The following ATP8A1 variants were observed in gnomAD, a reference collection of about 807,000 sequenced individuals.
ATP8A1 encodes ATPase phospholipid transporting 8A1, also known as phospholipid-transporting ATPase IA.
In ATP8A1, 90 loss-of-function variants were observed where a neutral mutation model predicts 177.7. The observed-to-expected ratio is 0.51, with a 90% CI of 0.43 to 0.60. The LOEUF (loss-of-function observed/expected upper bound fraction) is 0.60, where lower values mean the gene tolerates loss of function less well. Among genes scored for constraint, ATP8A1 ranks in the 20% least tolerant of loss-of-function variants. The pLI is 0.00. For synonymous variants in ATP8A1, 493 were observed against 485.9 expected, an observed-to-expected ratio of 1.01 and a Z score of -0.19; for missense variants, 1,072 against 1,392.8, an observed-to-expected ratio of 0.77 and a Z score of 3.67.
intron 8 of ATP8A1, among the ~76,000 whole-genome samples, chr4:42,587,856 C>A (rs1357044720): frequency 6.6e-6 from 1 of 152,174 alleles, no homozygotes; most frequent in East Asian, 1.9e-4. Flanking sequence ...GATTCACCTG[C>A]CTCAGCCTCT....
intron 30 of ATP8A1, among the ~76,000 whole-genome samples, chr4:42,446,997 T>C (rs1717343597): frequency 6.6e-6 from 1 of 152,120 alleles, no homozygotes; most frequent in Non-Finnish European, 1.5e-5. Context: ...TCATAGGGAA[T>C]CTTCTCACTA....
At chr4:42,429,924 A>G (rs1715078284) in intron 33 of ATP8A1, among the ~76,000 whole-genome samples, 1 of 152,244 alleles carries the variant, frequency 6.6e-6, no homozygotes, top group Non-Finnish European at 1.5e-5. Flanking sequence ...GGAATAGTCA[A>G]ATTCAGAAAC....
intron 33 of ATP8A1, among the ~76,000 whole-genome samples, chr4:42,437,605 C>A (rs2153172833): frequency 6.6e-6 from 1 of 152,284 alleles, no homozygotes; most frequent in South Asian, 2.1e-4. Context: ...GCCCCTAACC[C>A]CCGATATCGT....
At chr4:42,473,636 T>C (rs1419617635) in intron 25 of ATP8A1, among the ~76,000 whole-genome samples, 4 of 150,478 alleles carry the variant, frequency 2.7e-5, no homozygotes, top group African/African-American at 9.7e-5. Context: ...TTTTTATTTA[T>C]TTAATTAAAT....
Position 42,430,538 on chromosome 4 carries a change from G to C in ATP8A1, c.3124-6833C>G, listed in dbSNP as rs886115380. ...AGTACACGTGCAGGTTTGTTACATA[G>C]GTAAACTTGTGTCATGGGGGTTTGA... On this transcript the variant is annotated intron_variant, in intron 33 of 36. Transcript: ENST00000381668. Among the ~76,000 whole-genome samples, 3 of 151,294 alleles carry C rather than the reference G, an allele frequency of 2.0e-5. No homozygotes were observed. The South Asian group carries it at 6.3e-4, about 32-fold the overall frequency.
intron 15 of ATP8A1, among the ~76,000 whole-genome samples, chr4:42,559,340 CAAT>C (rs552290214): frequency 2.0e-5 from 3 of 152,134 alleles, no homozygotes; most frequent in African/African-American, 7.2e-5. Flanking sequence ...TGTAGTACAA[CAAT>C]GAGCAAAGGA....
intron 30 of ATP8A1, among the ~76,000 whole-genome samples, chr4:42,451,237 G>A (rs1468899799): frequency 6.6e-6 from 1 of 152,152 alleles, no homozygotes; most frequent in African/African-American, 2.4e-5. Flanking sequence ...ATTGATAGAC[G>A]TAGGTATGGC....
intron 20 of ATP8A1, among the ~76,000 whole-genome samples, chr4:42,543,382 GTATAAA>G (rs1409044606): frequency 6.6e-6 from 1 of 152,056 alleles, no homozygotes; most frequent in Non-Finnish European, 1.5e-5. Flanking sequence ...TTTCCCATGA[GTATAAA>G]TATATTTAAC....
At chr4:42,507,789 A>C (rs1271306701) in intron 22 of ATP8A1, among the ~76,000 whole-genome samples, 2 of 132,476 alleles carry the variant, frequency 1.5e-5, no homozygotes, top group African/African-American at 2.6e-5. Context: ...CTAAAAAAAA[A>C]AAAAAAAAAA....
chr4:42,622,538 T>G (rs1314643193), intron 4 of ATP8A1, among the ~76,000 whole-genome samples: 1 of 151,020 alleles, frequency 6.6e-6, no homozygotes, highest in East Asian at 1.9e-4. Flanking sequence ...AAGCAAAAAT[T>G]GACAAATTGG....
chr4:42,565,885 C>T (rs745527813), intron 15 of ATP8A1, among the ~76,000 whole-genome samples: 3 of 152,048 alleles, frequency 2.0e-5, no homozygotes, highest in Non-Finnish European at 4.4e-5. Context: ...AATAGATTTT[C>T]CCCTTCAATC....
chr4:42,413,163 A>T (rs1712818636), intron 36 of ATP8A1, 150 bp from the exon 37 acceptor site: 1 of 636,046 alleles, frequency 1.6e-6, no homozygotes, highest in East Asian at 2.8e-5. Context: ...ATGCCTAGAA[A>T]AGATACAGAC....
chr4:42,530,569 A>C (rs1727162051), intron 20 of ATP8A1, among the ~76,000 whole-genome samples: 1 of 152,134 alleles, frequency 6.6e-6, no homozygotes, highest in Non-Finnish European at 1.5e-5. Context: ...TGGCCAAGGC[A>C]CTCACTTTAT....
At chr4:42,435,917 T>G (rs941248725) in intron 33 of ATP8A1, among the ~76,000 whole-genome samples, 2 of 152,218 alleles carry the variant, frequency 1.3e-5, no homozygotes, top group African/African-American at 4.8e-5. Flanking sequence ...TTATCTTTAC[T>G]TATTCTTCAT....
chr4:42,499,032 T>C (rs1723555735), intron 24 of ATP8A1, among the ~76,000 whole-genome samples: 1 of 152,230 alleles, frequency 6.6e-6, no homozygotes, highest in Non-Finnish European at 1.5e-5. Flanking sequence ...GTCCTCAATC[T>C]AGTACCTGGT....
Position 42,434,001 on chromosome 4 carries a change from T to C in ATP8A1, c.3123+9564A>G, listed in dbSNP as rs533425658. On this transcript the variant is annotated intron_variant, in intron 33 of 36. Transcript: ENST00000381668. Reference sequence around the variant, plus strand: ...TGAGAACTAAACATGCAAAAGAAAATAGTCTTTCTAAAAAGGCATCAAGAG... The same window carrying C: ...TGAGAACTAAACATGCAAAAGAAAACAGTCTTTCTAAAAAGGCATCAAGAG... 2.1e-4 allele frequency among the ~76,000 whole-genome samples: 32 copies of C among 152,150 alleles called. 1 individual carries two copies. The highest frequency in any genetic ancestry group is 1.2e-3 in the Admixed American group (18 of 15,272).
chr4:42,582,328 C>T (rs898946068), intron 9 of ATP8A1, among the ~76,000 whole-genome samples: 1 of 152,072 alleles, frequency 6.6e-6, no homozygotes, highest in Non-Finnish European at 1.5e-5. Context: ...AATACATTAA[C>T]CAAAATAATA....
At chr4:42,647,648 G>C (rs1397405346) in intron 1 of ATP8A1, among the ~76,000 whole-genome samples, 1 of 151,700 alleles carries the variant, frequency 6.6e-6, no homozygotes, top group Non-Finnish European at 1.5e-5. Context: ...AAATGTAGCT[G>C]CTTGATTGTG....
intron 10 of ATP8A1, among the ~76,000 whole-genome samples, chr4:42,581,415 G>A (rs773069685): frequency 4.5e-4 from 68 of 152,284 alleles, no homozygotes; most frequent in Non-Finnish European, 5.9e-4. Flanking sequence ...TTACAGGCGT[G>A]AGCCACCGCG....
Sources: allele counts gnomAD v4.1 joint callset (sites outside exome capture counted in the v4.1 genomes callset), GRCh38; gene constraint gnomAD v4.1.1; transcripts MANE v1.5; gene names NCBI Gene and HGNC (gene_info 2026-07-23, HGNC 2026-07-21).